The following CD101 variants were observed in gnomAD, a reference collection of about 807,000 sequenced individuals.
CD101 encodes immunoglobulin superfamily member 2.
In CD101, 76 loss-of-function variants were observed where a neutral mutation model predicts 98.2. The observed-to-expected ratio is 0.77, with a 90% CI of 0.64 to 0.94. CD101 has a LOEUF of 0.94. CD101 is among the 40% of genes least tolerant of loss of function. The pLI, the probability that CD101 is intolerant of heterozygous loss-of-function variation, is 0.00. For missense variants in CD101, 1,145 were observed against 1,218.8 expected (o/e 0.94, Z 0.90); for synonymous variants, 471 against 472.7 (o/e 1.00, Z 0.05).
At chr1:117,003,992 T>C (rs1652391597) in intron 1 of CD101, among the ~76,000 whole-genome samples, 1 of 152,180 alleles carries the variant, frequency 6.6e-6, no homozygotes, top group African/African-American at 2.4e-5. Context: ...TTTTTTTTAG[T>C]AAATATAAGG....
Position 117,021,474 on chromosome 1 carries a change from A to G in CD101, c.2018-99A>G. The G allele has an allele frequency of 1.0e-6, 1 of 976,504 alleles. No homozygotes were observed. Among genetic ancestry groups the G allele is most frequent in the Non-Finnish European group, 1.5e-6 (1 of 678,204 alleles). 60.5% of individuals were successfully genotyped at this position (976,504 alleles called of 1,614,324 possible). A position where few individuals can be genotyped will look rare whatever the true frequency, so the allele number is the denominator to read the frequency against. The stretch of plus-strand genomic sequence containing the variant: ...ACTGTAGAGGGAGTTCACCCATATG[A>G]TGGCGGGAGGATGCAGTGTCATACT... On this transcript the variant is annotated intron_variant, in intron 6 of 9. Coordinates refer to ENST00000682167, the MANE Select transcript of CD101 (RefSeq NM_001256106.3). The surrounding 1 kb of genome is among the most constrained non-coding windows in gnomAD (Gnocchi z 4.7).
chr1:117,015,502 A>G (rs532691292), intron 4 of CD101, among the ~76,000 whole-genome samples: 2 of 152,322 alleles, frequency 1.3e-5, no homozygotes, highest in South Asian at 4.1e-4. Context: ...TTAAAAACAT[A>G]TTTATGGACA....
At chr1:117,015,574 A>T (rs1338039195) in intron 4 of CD101, among the ~76,000 whole-genome samples, 1 of 152,058 alleles carries the variant, frequency 6.6e-6, no homozygotes, top group Admixed American at 6.6e-5. Flanking sequence ...CAAAGATTGA[A>T]CTCCTTCCTC....
At position 117,018,447 on chromosome 1, in the gene CD101, C is replaced by A; in HGVS notation, c.1904C>A (p.Thr635Lys). 1 of 1,614,194 alleles carries A rather than the reference C, an allele frequency of 6.2e-7. No individual in the cohort carries two copies. Among genetic ancestry groups the A allele is most frequent in the Non-Finnish European group, 8.5e-7 (1 of 1,180,034 alleles). ...LLVHDATEEETGVYQCEVEVY... is the reference protein window; with the variant it reads ...LLVHDATEEEKGVYQCEVEVY... ...GTCCATGATGCCACTGAGGAAGAGA[C>A]AGGAGTGTATCAGTGTGAAGTAGAA... Residue 635 changes from threonine (T) to lysine (K), a missense_variant, in exon 6 of 10, where the codon ACA becomes AAA. By Grantham distance (78) the Thr-to-Lys change is moderately conservative (BLOSUM62 -1). Coordinates refer to ENST00000682167, the MANE Select transcript of CD101 (RefSeq NM_001256106.3). This position sits in a 1 kb window ranked among gnomAD's most constrained non-coding sequence, Gnocchi z 4.3.
chr1:117,025,582 C>T lies in CD101; in HGVS notation c.2502C>T (p.Cys834=), dbSNP rs754967595. 3.1e-6 allele frequency: 5 copies of T among 1,613,080 alleles called. No individual in the cohort carries two copies. The South Asian group carries it at 5.5e-5, about 18-fold the overall frequency. The change falls in exon 8 of 10, where the codon TGC becomes TGT. Residue 834 remains cysteine, a synonymous_variant. Transcript: ENST00000682167. ...VTEHREVAIR[C]SLESVGSSAT... ...AGCACAGAGAAGTGGCCATCCGCTG[C>T]AGCCTGGAGAGTGTAGGCAGCTCAG...
At chr1:117,014,185 T>TG (rs1653064389) in intron 4 of CD101, among the ~76,000 whole-genome samples, 1 of 141,166 alleles carries the variant, frequency 7.1e-6, no homozygotes, top group East Asian at 2.1e-4. Flanking sequence ...CCCTCTGCCT[T>TG]TGTGTGTGTG....
chr1:117,016,186 TTATA>T (rs72484956), intron 4 of CD101, among the ~76,000 whole-genome samples: 21 of 142,664 alleles, frequency 1.5e-4, no homozygotes, highest in East Asian at 7.8e-4. Flanking sequence ...AGACACACAT[TTATA>T]TATATATATA....
chr1:117,013,679 A>T lies in CD101; in HGVS notation c.1115A>T (p.Glu372Val). Residue 372 changes from glutamate to valine, a missense_variant, in exon 4 of 10, where the codon GAA (glutamate) becomes GTA (valine). Coordinates refer to ENST00000682167, the MANE Select transcript of CD101 (RefSeq NM_001256106.3). The stretch of plus-strand genomic sequence containing the variant: ...ATCTTCTCTCTGGGCCCAGAGGATG[A>T]AGGCGCCTACAGATGTGTGGTAGCA... ...LKIFSLGPEDEGAYRCVVAEV... is the reference protein window; with the variant it reads ...LKIFSLGPEDVGAYRCVVAEV... The T allele has an allele frequency of 6.2e-7, 1 of 1,614,148 alleles. No homozygotes were observed. Among genetic ancestry groups the T allele is most frequent in the Middle Eastern group, 1.7e-4 (1 of 6,050 alleles).
intron 8 of CD101, among the ~76,000 whole-genome samples, chr1:117,028,416 A>T (rs1389955820): frequency 6.6e-6 from 1 of 152,198 alleles, no homozygotes; most frequent in Admixed American, 6.5e-5. Flanking sequence ...GGAGGGGAAG[A>T]TTAGTTCAGT....
In CD101 at chr1:117,011,936, G is replaced by C; in HGVS notation, c.811G>C (p.Asp271His). Reference protein sequence around the residue: ...TWMFITKKQTDQTTLRIQPAV... With the variant: ...TWMFITKKQTHQTTLRIQPAV... The stretch of plus-strand genomic sequence containing the variant: ...GATGTTCATCACCAAAAAGCAGACC[G>C]ATCAAACCACTCTGAGGATCCAGCC... The change falls in exon 3 of 10, where the codon GAT becomes CAT. Residue 271 changes from aspartate (D) to histidine (H), a missense_variant. Asp to His is a moderately conservative substitution (Grantham distance 81). Coordinates refer to ENST00000682167, the MANE Select transcript of CD101 (RefSeq NM_001256106.3). The C allele has an allele frequency of 1.9e-6, 3 of 1,613,744 alleles. No homozygotes were observed. Among genetic ancestry groups the C allele is most frequent in the Non-Finnish European group, 2.5e-6 (3 of 1,179,732 alleles).
Position 117,016,514 on chromosome 1 carries a change from T to C in CD101, c.1229-576T>C, listed in dbSNP as rs908906671. 7.6e-4 allele frequency among the ~76,000 whole-genome samples: 116 copies of C among 152,266 alleles called. 2 individuals carry two copies. Among genetic ancestry groups the C allele is most frequent in the Non-Finnish European group, 2.2e-4 (15 of 68,018 alleles). ...CAGATGTTTTGCCAACTAGATATTC[T>C]TAAGGAAGAGTTGATTTAACAAACA... is the stretch of plus-strand genomic sequence containing the variant. On this transcript the variant is annotated intron_variant, in intron 4 of 9. Transcript: ENST00000682167.
chr1:117,009,579 A>G (rs1652751017), intron 1 of CD101, among the ~76,000 whole-genome samples: 1 of 152,262 alleles, frequency 6.6e-6, no homozygotes, highest in African/African-American at 2.4e-5. Flanking sequence ...CAGATGTTTT[A>G]TAGAAGTGGT....
Position 117,017,075 on chromosome 1 carries a change from A to T in CD101, c.1229-15A>T. The T allele has an allele frequency of 3.1e-6, 5 of 1,607,356 alleles. No homozygotes were observed. Among genetic ancestry groups the T allele is most frequent in the Non-Finnish European group, 4.3e-6 (5 of 1,176,036 alleles). ...CCTAAAACAGTTTTGTTCTTCTATA[A>T]TCTGTAACTCACAGCAAGAAGTGTG... On this transcript the variant is annotated splice_polypyrimidine_tract_variant and intron_variant, in intron 4 of 9. Coordinates refer to ENST00000682167, the MANE Select transcript of CD101 (RefSeq NM_001256106.3).
At chr1:117,014,185 T>TTGTGTGTGTGTGTGTGTG (rs3220776) in intron 4 of CD101, among the ~76,000 whole-genome samples, 2 of 141,166 alleles carry the variant, frequency 1.4e-5, no homozygotes, top group South Asian at 2.5e-4. Context: ...CCCTCTGCCT[T>TTGTGTGTGTGTGTGTGTG]TGTGTGTGTG....
rs1654652243 is a variant in CD101, at chr1:117,034,153, G to A, written c.*33+19G>A. On this transcript the variant is annotated intron_variant, in intron 9 of 9. Transcript: ENST00000682167. ...AGGAAAGGTGGGGGCTTTTTAATTG[G>A]GCTAACCAGGGTGTGAATGAATCCT... 1 of 1,595,518 alleles carries A rather than the reference G, an allele frequency of 6.3e-7. No homozygotes were observed. Among genetic ancestry groups the A allele is most frequent in the African/African-American group, 1.3e-5 (1 of 74,418 alleles).
chr1:117,020,582 AG>A (rs1653519845), intron 6 of CD101, among the ~76,000 whole-genome samples: 1 of 152,214 alleles, frequency 6.6e-6, no homozygotes, highest in African/African-American at 2.4e-5. Context: ...CACTTGAGAA[AG>A]GTTTCTCAAG....
At chr1:117,020,274 G>C (rs2101135268) in intron 6 of CD101, among the ~76,000 whole-genome samples, 1 of 152,256 alleles carries the variant, frequency 6.6e-6, no homozygotes, top group African/African-American at 2.4e-5. Flanking sequence ...GCCAGGTGTG[G>C]TGGCTCACAC....
In CD101 at chr1:117,013,345, T is replaced by C. The variant is rs1653000411; in HGVS notation, c.842-61T>C. The C allele has an allele frequency of 5.3e-6, 8 of 1,519,460 alleles. No individual in the cohort carries two copies. In the East Asian group the frequency reaches 1.8e-4, roughly 34 times the overall value. 94.1% of individuals were successfully genotyped at this position (1,519,460 alleles called of 1,614,324 possible). A position where few individuals can be genotyped will look rare whatever the true frequency, so the allele number is the denominator to read the frequency against. On this transcript the variant is annotated intron_variant, in intron 3 of 9. Coordinates refer to ENST00000682167, the MANE Select transcript of CD101 (RefSeq NM_001256106.3). Reference sequence around the variant, plus strand: ...CCTTACAGAGGGTGTCATCTCTCTCTGGTACTGAAAGGACAGAGGCTGTGG... The same window carrying C: ...CCTTACAGAGGGTGTCATCTCTCTCCGGTACTGAAAGGACAGAGGCTGTGG...
At position 117,021,464 on chromosome 1, in the gene CD101, C is replaced by A; in HGVS notation, c.2018-109C>A. ...GAGTGGGGCTACTGTAGAGGGAGTT[C>A]ACCCATATGATGGCGGGAGGATGCA... On this transcript the variant is annotated intron_variant, in intron 6 of 9. Coordinates refer to ENST00000682167, the MANE Select transcript of CD101 (RefSeq NM_001256106.3). This position sits in a 1 kb window ranked among gnomAD's most constrained non-coding sequence, Gnocchi z 4.7. 1.2e-6 allele frequency: 1 copy of A among 868,388 alleles called. No individual in the cohort carries two copies. The highest frequency in any genetic ancestry group is 1.7e-6 in the Non-Finnish European group (1 of 581,118). 53.8% of individuals were successfully genotyped at this position (868,388 alleles called of 1,614,324 possible). A position where few individuals can be genotyped will look rare whatever the true frequency, so the allele number is the denominator to read the frequency against.
Sources: allele counts gnomAD v4.1 joint callset (sites outside exome capture counted in the v4.1 genomes callset), GRCh38; gene constraint gnomAD v4.1.1; non-coding constraint Gnocchi (gnomAD v3.1); transcripts MANE v1.5; gene names NCBI Gene and HGNC (gene_info 2026-07-23, HGNC 2026-07-21).